Variants in CSMD1 observed in about 807,000 individuals in gnomAD.
CSMD1 encodes CUB and Sushi multiple domains 1, also known as CUB and sushi domain-containing protein 1.
In CSMD1, 213 loss-of-function variants were observed where a neutral mutation model predicts 417.5. The ratio of observed to expected loss-of-function variants is 0.51; its 90% CI spans 0.46 to 0.57. The LOEUF (loss-of-function observed/expected upper bound fraction) is 0.57. Ranked by LOEUF, CSMD1 falls within the 20% of genes least tolerant of loss-of-function variation. CSMD1 has a pLI of 0.00. For synonymous variants in CSMD1, 2,862 were observed against 1,736.8 expected (o/e 1.65, Z -16.11); for missense variants, 6,923 against 4,529.7 (o/e 1.53, Z -15.17).
chr8:4,819,888 G>C (rs931609251), intron 1 of CSMD1, among the ~76,000 whole-genome samples: 1 of 152,146 alleles, frequency 6.6e-6, no homozygotes, highest in Non-Finnish European at 1.5e-5. Flanking sequence ...TATCTGCCCT[G>C]TGGACTTTGG....
intron 5 of CSMD1, among the ~76,000 whole-genome samples, chr8:3,994,144 G>C (rs969623892): frequency 2.0e-5 from 3 of 152,096 alleles, no homozygotes; most frequent in Admixed American, 6.6e-5. Context: ...ATTTATATTT[G>C]TTTTGGGACA....
chr8:4,113,637 C>T (rs1019599082), intron 3 of CSMD1, among the ~76,000 whole-genome samples: 9 of 152,034 alleles, frequency 5.9e-5, no homozygotes, highest in South Asian at 2.1e-4. Flanking sequence ...AACTCCTGAC[C>T]TCCTGATCCA....
chr8:3,643,659 C>T (rs901716736), intron 7 of CSMD1, among the ~76,000 whole-genome samples: 9 of 146,396 alleles, frequency 6.1e-5, no homozygotes, highest in Non-Finnish European at 8.9e-5. Context: ...CGAGATCGCG[C>T]CACTGCACCC....
rs17079312 is a variant in CSMD1, at chr8:3,092,212, T to C, written c.7139-550A>G. ...GTAATTTGGAGTTTTAAAAAAAGAA[T>C]TGAAGATTCCATGAAAAAGAATTAG... On this transcript the variant is annotated intron_variant, in intron 47 of 69. Transcript: ENST00000635120. Among the ~76,000 whole-genome samples the C allele has an allele frequency of 5.3e-3, 805 of 152,144 alleles. 9 individuals are homozygous for C. Among genetic ancestry groups the C allele is most frequent in the African/African-American group, 0.018 (728 of 41,504 alleles).
intron 2 of CSMD1, among the ~76,000 whole-genome samples, chr8:4,428,288 C>G (rs1797679813): frequency 6.6e-6 from 1 of 152,166 alleles, no homozygotes; most frequent in Non-Finnish European, 1.5e-5. Flanking sequence ...ACAGCTTGTA[C>G]CAAGACAACT....
intron 3 of CSMD1, among the ~76,000 whole-genome samples, chr8:4,311,347 C>G (rs1798554447): frequency 6.6e-6 from 1 of 152,192 alleles, no homozygotes; most frequent in East Asian, 1.9e-4. Flanking sequence ...AAGTCCTTTG[C>G]AGCAACATGG....
At chr8:4,586,328 CT>C (rs1474432595) in intron 2 of CSMD1, among the ~76,000 whole-genome samples, 3 of 152,164 alleles carry the variant, frequency 2.0e-5, no homozygotes, top group Non-Finnish European at 2.9e-5. Context: ...TTGGCAGTGA[CT>C]AATTGCTTGT....
At position 4,516,103 on chromosome 8, in the gene CSMD1, G is replaced by A. The variant is rs995053590; in HGVS notation, c.303-96038C>T. ...TGCCTCAGAATGTGACTGTACCGGG[G>A]GCTGAGTTCTTTAGAGAGTAATTAA... On this transcript the variant is annotated intron_variant, in intron 2 of 69. Transcript: ENST00000635120. 2.6e-5 allele frequency among the ~76,000 whole-genome samples: 4 copies of A among 152,058 alleles called. No homozygotes were observed. The South Asian group carries it at 8.3e-4, about 32-fold the overall frequency.
chr8:3,779,588 G>C (rs956798294), intron 5 of CSMD1, among the ~76,000 whole-genome samples: 12 of 152,164 alleles, frequency 7.9e-5, no homozygotes, highest in Non-Finnish European at 1.3e-4. Context: ...CAATTATGCT[G>C]CTGAATAACC....
chr8:4,641,398 C>G (rs1013636782), intron 1 of CSMD1, among the ~76,000 whole-genome samples: 1 of 152,042 alleles, frequency 6.6e-6, no homozygotes, highest in Non-Finnish European at 1.5e-5. Flanking sequence ...TAGATAAGTC[C>G]TTAATACCAC....
At chr8:3,657,686 G>A (rs147220141) in intron 7 of CSMD1, among the ~76,000 whole-genome samples, 4,103 of 152,132 alleles carry the variant, frequency 0.027, 191 homozygotes, top group African/African-American at 0.093. Context: ...CACACACCAG[G>A]GCCTGTCAGT....
chr8:4,522,188 G>A (rs1408251632), intron 2 of CSMD1, among the ~76,000 whole-genome samples: 1 of 152,086 alleles, frequency 6.6e-6, no homozygotes, highest in Non-Finnish European at 1.5e-5. Context: ...AGTCTCGTGA[G>A]AGCTGATGAT....
chr8:3,543,707 C>A (rs575361523), intron 10 of CSMD1, among the ~76,000 whole-genome samples: 1 of 151,714 alleles, frequency 6.6e-6, no homozygotes. Context: ...GTAGAGGAGA[C>A]CCAGAGTTTG....
At chr8:3,210,214 C>T (rs896812519) in intron 30 of CSMD1, among the ~76,000 whole-genome samples, 1 of 152,088 alleles carries the variant, frequency 6.6e-6, no homozygotes, top group South Asian at 2.1e-4. Context: ...ATCCAAGATG[C>T]ACTACAGGAG....
At chr8:3,301,206 C>A (rs577664186) in intron 25 of CSMD1, among the ~76,000 whole-genome samples, 2 of 151,072 alleles carry the variant, frequency 1.3e-5, no homozygotes, top group Admixed American at 6.6e-5. Flanking sequence ...ATAAAACAAA[C>A]CATATTGTTT....
At chr8:4,312,163 T>A (rs549920679) in intron 3 of CSMD1, among the ~76,000 whole-genome samples, 2 of 151,974 alleles carry the variant, frequency 1.3e-5, no homozygotes, top group South Asian at 4.1e-4. Context: ...GCTTCCTACG[T>A]GCATTTAGTC....
chr8:3,811,047 A>G (rs759571561), intron 5 of CSMD1, among the ~76,000 whole-genome samples: 1 of 152,176 alleles, frequency 6.6e-6, no homozygotes, highest in Admixed American at 6.5e-5. Flanking sequence ...CAGGGGATGA[A>G]TCTTGAATTC....
intron 6 of CSMD1, among the ~76,000 whole-genome samples, chr8:3,713,235 T>G (rs565595141): frequency 1.3e-5 from 2 of 152,334 alleles, no homozygotes; most frequent in African/African-American, 4.8e-5. Context: ...TTTTTTCTCC[T>G]ACATCAGCTG....
At chr8:3,055,058 G>A (rs1469887242) in intron 49 of CSMD1, among the ~76,000 whole-genome samples, 4 of 152,114 alleles carry the variant, frequency 2.6e-5, no homozygotes, top group African/African-American at 9.7e-5. Flanking sequence ...CTCGCTGGCT[G>A]GAATGTGCGC....
Sources: allele counts gnomAD v4.1 joint callset (sites outside exome capture counted in the v4.1 genomes callset), GRCh38; gene constraint gnomAD v4.1.1; transcripts MANE v1.5; gene names NCBI Gene and HGNC (gene_info 2026-07-23, HGNC 2026-07-21).